The following RUNDC3B variants were observed in gnomAD, a reference collection of about 807,000 sequenced individuals.
RUNDC3B encodes RUN domain containing 3B.
Under a neutral mutation model 58.4 loss-of-function variants are expected in RUNDC3B, and 33 were observed. The ratio of observed to expected loss-of-function variants is 0.56; its 90% CI spans 0.43 to 0.75. The LOEUF is 0.75. Among genes scored for constraint, RUNDC3B ranks in the 30% least tolerant of loss-of-function variants. RUNDC3B has a pLI of 0.00. For missense variants in RUNDC3B, 501 were observed against 535.7 expected (o/e 0.94, Z 0.64); for synonymous variants, 193 against 195.2 (o/e 0.99, Z 0.10).
intron 4 of RUNDC3B, among the ~76,000 whole-genome samples, chr7:87,731,622 T>G (rs989071612): frequency 1.6e-4 from 25 of 152,182 alleles, no homozygotes; most frequent in Non-Finnish European, 2.9e-4. Context: ...GTTGTCTGTA[T>G]TTATATCGGA....
intron 6 of RUNDC3B, among the ~76,000 whole-genome samples, chr7:87,746,091 C>G (rs953626506): frequency 1.3e-5 from 2 of 152,280 alleles, no homozygotes; most frequent in East Asian, 1.9e-4. Flanking sequence ...TATTTAATTT[C>G]CATGTACTTG....
intron 4 of RUNDC3B, among the ~76,000 whole-genome samples, chr7:87,727,540 G>A (rs1283641952): frequency 1.3e-5 from 2 of 151,880 alleles, no homozygotes; most frequent in Admixed American, 6.6e-5. Flanking sequence ...TCATTTTTAT[G>A]AGTAGGCAAA....
At chr7:87,762,269 G>T (rs1047420490) in intron 6 of RUNDC3B, among the ~76,000 whole-genome samples, 2 of 151,410 alleles carry the variant, frequency 1.3e-5, no homozygotes, top group Non-Finnish European at 3.0e-5. Context: ...TACATTAATA[G>T]AAATGTTTTA....
chr7:87,771,405 A>C (rs1240783847), intron 7 of RUNDC3B, among the ~76,000 whole-genome samples: 11 of 152,138 alleles, frequency 7.2e-5, no homozygotes, highest in Admixed American at 7.2e-4. Flanking sequence ...AAATATTTTT[A>C]AATCCAAATT....
At chr7:87,734,176 TCATA>T (rs1196514724) in intron 4 of RUNDC3B, among the ~76,000 whole-genome samples, 1 of 152,210 alleles carries the variant, frequency 6.6e-6, no homozygotes, top group Non-Finnish European at 1.5e-5. Context: ...ACTGAATCTT[TCATA>T]CATTGCTGGT....
At chr7:87,773,696 GAGA>G (rs1834442172) in intron 7 of RUNDC3B, among the ~76,000 whole-genome samples, 2 of 151,262 alleles carry the variant, frequency 1.3e-5, no homozygotes, top group African/African-American at 4.9e-5. Context: ...GTTTTGTTTT[GAGA>G]TGGAGTCTCG....
intron 2 of RUNDC3B, among the ~76,000 whole-genome samples, chr7:87,666,175 G>A (rs1254703059): frequency 6.6e-6 from 1 of 152,092 alleles, no homozygotes; most frequent in Middle Eastern, 3.2e-3. Flanking sequence ...TTTAGTAATA[G>A]CCATTCTGAC....
At chr7:87,629,127 C>A in intron 1 of RUNDC3B, 182 bp downstream of exon 1, 1 of 476,574 alleles carries the variant, frequency 2.1e-6, no homozygotes, top group East Asian at 3.5e-5. Context: ...TGGACACCGT[C>A]GCAGCCCTGG....
chr7:87,708,654 C>T (rs980778112), intron 3 of RUNDC3B, among the ~76,000 whole-genome samples: 1 of 151,482 alleles, frequency 6.6e-6, no homozygotes, highest in African/African-American at 2.4e-5. Flanking sequence ...TTTTTTTAAA[C>T]TCTCTTAAAT....
chr7:87,741,420 C>T, intron 5 of RUNDC3B, 79 bp from the exon 6 acceptor site: 3 of 813,588 alleles, frequency 3.7e-6, no homozygotes, highest in Non-Finnish European at 5.6e-6. Context: ...ACGTCTCTGG[C>T]AAGAGATTTT....
At chr7:87,700,576 C>G in intron 3 of RUNDC3B, 22 bp downstream of exon 3, 1 of 1,582,344 alleles carries the variant, frequency 6.3e-7, no homozygotes, top group Non-Finnish European at 8.6e-7. Flanking sequence ...GTCAGAGACT[C>G]GTTTCTATTT....
At chr7:87,763,204 T>C (rs770660585) in intron 6 of RUNDC3B, among the ~76,000 whole-genome samples, 1 of 151,702 alleles carries the variant, frequency 6.6e-6, no homozygotes, top group Non-Finnish European at 1.5e-5. Flanking sequence ...TGCATTGCTT[T>C]GCCTCTAAAT....
chr7:87,797,239 AT>A (rs1402666514), intron 8 of RUNDC3B, among the ~76,000 whole-genome samples: 1 of 152,184 alleles, frequency 6.6e-6, no homozygotes, highest in African/African-American at 2.4e-5. Context: ...CATTATTAAA[AT>A]TTCTGTTTCT....
At chr7:87,668,566 G>A (rs1825505859) in intron 2 of RUNDC3B, among the ~76,000 whole-genome samples, 1 of 151,880 alleles carries the variant, frequency 6.6e-6, no homozygotes, top group African/African-American at 2.4e-5. Flanking sequence ...AGTTGTGAAG[G>A]TAGGTTGTTA....
intron 2 of RUNDC3B, among the ~76,000 whole-genome samples, chr7:87,672,668 CTCTG>C (rs138837364): frequency 3.2e-3 from 481 of 152,300 alleles, no homozygotes; most frequent in Admixed American, 5.6e-3. Flanking sequence ...CTCCATGTAG[CTCTG>C]TCTGTGAGAC....
intron 10 of RUNDC3B, among the ~76,000 whole-genome samples, chr7:87,829,664 G>C (rs1007936679): frequency 6.6e-6 from 1 of 151,836 alleles, no homozygotes; most frequent in African/African-American, 2.4e-5. Flanking sequence ...GTGCTTTTTG[G>C]TTCCATATGA....
At chr7:87,740,630 G>C (rs993556783) in intron 5 of RUNDC3B, among the ~76,000 whole-genome samples, 1 of 152,068 alleles carries the variant, frequency 6.6e-6, no homozygotes, top group African/African-American at 2.4e-5. Context: ...TTCTACTTTT[G>C]AGTCTTGATA....
At chr7:87,799,614 C>T (rs568788168) in intron 8 of RUNDC3B, among the ~76,000 whole-genome samples, 151 of 152,104 alleles carry the variant, frequency 9.9e-4, no homozygotes, top group African/African-American at 3.5e-3. Context: ...CAAGGCCAGG[C>T]GCGGTGGTTC....
At chr7:87,682,295 CCTGTTAATGTTGATATT>C (rs1827002696) in intron 2 of RUNDC3B, among the ~76,000 whole-genome samples, 1 of 152,170 alleles carries the variant, frequency 6.6e-6, no homozygotes, top group African/African-American at 2.4e-5. Context: ...TTTCCAAATT[CCTGTTAATGTTGATATT>C]CTGTTAATGT....
Sources: allele counts gnomAD v4.1 joint callset (sites outside exome capture counted in the v4.1 genomes callset), GRCh38; gene constraint gnomAD v4.1.1; transcripts MANE v1.5; gene names NCBI Gene and HGNC (gene_info 2026-07-23, HGNC 2026-07-21).